LRMDA: variants seen among roughly 807,000 people sequenced by gnomAD.
The protein encoded by LRMDA is leucine rich melanocyte differentiation associated, also known as leucine-rich melanocyte differentiation-associated protein.
In LRMDA, 18 loss-of-function variants were observed where a neutral mutation model predicts 29.8. The observed-to-expected ratio is 0.60, with a 90% CI of 0.42 to 0.90. The LOEUF (loss-of-function observed/expected upper bound fraction) is 0.90, where lower values mean the gene tolerates loss of function less well. LRMDA is among the 40% of genes least tolerant of loss of function. The probability of loss-of-function intolerance (pLI) is 0.00; values close to 1 mark genes in which losing one functional copy is unlikely to be tolerated. For synonymous variants in LRMDA, 125 were observed against 109.4 expected, an observed-to-expected ratio of 1.14 and a Z score of -0.89; for missense variants, 273 against 273.9, an observed-to-expected ratio of 1.00 and a Z score of 0.02.
intron 2 of LRMDA, among the ~76,000 whole-genome samples, chr10:75,864,742 A>G (rs1389841904): frequency 6.6e-6 from 1 of 152,240 alleles, no homozygotes; most frequent in Non-Finnish European, 1.5e-5. Flanking sequence ...AGAATAATCC[A>G]TCTAGCAAAA....
intron 2 of LRMDA, among the ~76,000 whole-genome samples, chr10:75,884,394 C>T (rs1845347130): frequency 6.6e-6 from 1 of 151,920 alleles, no homozygotes; most frequent in Non-Finnish European, 1.5e-5. Context: ...ATCCAAGGGA[C>T]TATTTTCTCA....
chr10:75,805,716 G>T lies in LRMDA; in HGVS notation c.132-230292G>T, dbSNP rs992497586. Among the ~76,000 whole-genome samples, 7 of 152,302 alleles carry T rather than the reference G, an allele frequency of 4.6e-5. No individual in the cohort carries two copies. In the South Asian group the frequency reaches 1.2e-3, roughly 27 times the overall value. On this transcript the variant is annotated intron_variant, in intron 2 of 6. Coordinates refer to ENST00000611255, the MANE Select transcript of LRMDA (RefSeq NM_001305581.2). ...CTATTACTATCAATTTCTACTTAATGAACCTCTGTATGTGGCACTTTTGGG... is the reference window on the plus strand; with the variant it reads ...CTATTACTATCAATTTCTACTTAATTAACCTCTGTATGTGGCACTTTTGGG...
At position 75,674,398 on chromosome 10, in the gene LRMDA, G is replaced by T. The variant is rs140824265; in HGVS notation, c.131+235904G>T. ...TAAGGTAGAAAGAGCATGTTTGAAA[G>T]CTCCAATTTCTTATATCTCATCCAG... On this transcript the variant is annotated intron_variant, in intron 2 of 6. Transcript: ENST00000611255. Among the ~76,000 whole-genome samples the T allele has an allele frequency of 2.6e-5, 4 of 152,162 alleles. No individual in the cohort carries two copies. In the East Asian group the frequency reaches 7.7e-4, roughly 29 times the overall value.
intron 2 of LRMDA, among the ~76,000 whole-genome samples, chr10:75,661,531 G>A (rs1841753067): frequency 6.6e-6 from 1 of 152,184 alleles, no homozygotes; most frequent in South Asian, 2.1e-4. Context: ...GGAGCTAGTT[G>A]GTTGATGAGA....
chr10:75,494,045 C>T (rs969015759), intron 2 of LRMDA, among the ~76,000 whole-genome samples: 4 of 152,124 alleles, frequency 2.6e-5, no homozygotes, highest in African/African-American at 4.8e-5. Flanking sequence ...TCAGCCACCA[C>T]GCCCAGCCAA....
chr10:76,191,554 C>T (rs539899014), intron 5 of LRMDA, among the ~76,000 whole-genome samples: 4 of 152,278 alleles, frequency 2.6e-5, no homozygotes, highest in African/African-American at 9.6e-5. Flanking sequence ...GGCTAGGCAA[C>T]TTGGGGAATG....
chr10:76,073,833 G>C (rs976700071), intron 5 of LRMDA, among the ~76,000 whole-genome samples: 1 of 152,146 alleles, frequency 6.6e-6, no homozygotes, highest in Non-Finnish European at 1.5e-5. Context: ...TATGGTTCTA[G>C]AAGCAAGGCT....
At chr10:76,187,594 AG>A (rs1414953044) in intron 5 of LRMDA, among the ~76,000 whole-genome samples, 1 of 152,238 alleles carries the variant, frequency 6.6e-6, no homozygotes, top group Non-Finnish European at 1.5e-5. Flanking sequence ...GTTGTTAAGA[AG>A]ATCAAATAGA....
At chr10:76,103,075 T>C (rs1053485484) in intron 5 of LRMDA, among the ~76,000 whole-genome samples, 3 of 152,226 alleles carry the variant, frequency 2.0e-5, no homozygotes, top group African/African-American at 7.2e-5. Context: ...CTATAATTTT[T>C]GTCATATTGC....
intron 2 of LRMDA, among the ~76,000 whole-genome samples, chr10:75,530,789 G>A (rs1309179454): frequency 6.6e-6 from 1 of 152,124 alleles, no homozygotes; most frequent in Middle Eastern, 3.2e-3. Flanking sequence ...TTTATTGGGA[G>A]TGGAACCTAA....
intron 4 of LRMDA, among the ~76,000 whole-genome samples, chr10:76,049,005 C>T (rs974991612): frequency 2.0e-5 from 3 of 152,122 alleles, no homozygotes; most frequent in African/African-American, 7.2e-5. Flanking sequence ...GGATCTTTGG[C>T]CATCTCAGAT....
At chr10:75,975,401 G>C (rs1411467241) in intron 2 of LRMDA, among the ~76,000 whole-genome samples, 1 of 152,212 alleles carries the variant, frequency 6.6e-6, no homozygotes, top group Non-Finnish European at 1.5e-5. Flanking sequence ...ATCTCCAGGA[G>C]ATGGTTCAGT....
intron 6 of LRMDA, among the ~76,000 whole-genome samples, chr10:76,554,777 G>A (rs1440473097): frequency 2.8e-5 from 4 of 141,412 alleles, no homozygotes; most frequent in East Asian, 2.0e-4. Context: ...ATCTGGAGTC[G>A]AAGTTTACCC....
At chr10:75,630,480 C>T (rs1342895491) in intron 2 of LRMDA, among the ~76,000 whole-genome samples, 1 of 152,212 alleles carries the variant, frequency 6.6e-6, no homozygotes, top group Non-Finnish European at 1.5e-5. Flanking sequence ...TTTCCCCAGA[C>T]TGAGAGCTCC....
chr10:76,533,142 A>G (rs1843252989), intron 6 of LRMDA, among the ~76,000 whole-genome samples: 1 of 130,240 alleles, frequency 7.7e-6, no homozygotes, highest in Admixed American at 8.1e-5. Flanking sequence ...ATGGAGAGCG[A>G]GAGCGAGAGT....
chr10:75,641,609 A>AT (rs1841454534), intron 2 of LRMDA, among the ~76,000 whole-genome samples: 3 of 152,084 alleles, frequency 2.0e-5, no homozygotes, highest in African/African-American at 7.2e-5. Flanking sequence ...ATTTAAAAAA[A>AT]ATTTTTTTTT....
At chr10:75,767,676 T>A (rs894654395) in intron 2 of LRMDA, among the ~76,000 whole-genome samples, 4 of 152,014 alleles carry the variant, frequency 2.6e-5, no homozygotes, top group African/African-American at 9.7e-5. Flanking sequence ...TTGATTAGAG[T>A]CTTCTGATAT....
chr10:76,436,643 T>A (rs993769768), intron 6 of LRMDA, among the ~76,000 whole-genome samples: 1 of 152,174 alleles, frequency 6.6e-6, no homozygotes, highest in African/African-American at 2.4e-5. Context: ...GGAAGGGAAA[T>A]CCACCCCTGT....
chr10:76,347,177 G>A (rs563082268), intron 6 of LRMDA, among the ~76,000 whole-genome samples: 1 of 152,138 alleles, frequency 6.6e-6, no homozygotes, highest in South Asian at 2.1e-4. Context: ...TGTTCTGAAG[G>A]CCGTTATTCC....
Sources: allele counts gnomAD v4.1 joint callset (sites outside exome capture counted in the v4.1 genomes callset), GRCh38; gene constraint gnomAD v4.1.1; transcripts MANE v1.5; gene names NCBI Gene and HGNC (gene_info 2026-07-23, HGNC 2026-07-21).